Variants in MCUB observed in about 807,000 individuals in gnomAD.
MCUB encodes mitochondrial calcium uniporter dominant negative subunit beta.
Under a neutral mutation model 41.4 loss-of-function variants are expected in MCUB, and 46 were observed. The observed-to-expected ratio is 1.11, with a 90% CI of 0.88 to 1.42. The LOEUF is 1.42. Ranked by LOEUF, MCUB falls within the 40% of genes most tolerant of loss-of-function variation. The pLI, the probability that MCUB is intolerant of heterozygous loss-of-function variation, is 0.00. For missense variants in MCUB, 403 were observed against 404.9 expected (o/e 1.00, Z 0.04); for synonymous variants, 148 against 148.2 (o/e 1.00, Z 0.01).
chr4:109,667,179 G>T (rs1561247323), intron 4 of MCUB, among the ~76,000 whole-genome samples: 2 of 152,028 alleles, frequency 1.3e-5, no homozygotes, highest in Non-Finnish European at 1.5e-5. Flanking sequence ...TTCTTCCTTT[G>T]ATGTTTGGTA....
chr4:109,590,945 C>T (rs1579053667), intron 1 of MCUB, among the ~76,000 whole-genome samples: 2 of 152,234 alleles, frequency 1.3e-5, no homozygotes, highest in Middle Eastern at 6.8e-3. Flanking sequence ...TATGCATGCA[C>T]CCACATTTGC....
At chr4:109,592,833 C>T (rs1169606401) in intron 1 of MCUB, among the ~76,000 whole-genome samples, 1 of 152,150 alleles carries the variant, frequency 6.6e-6, no homozygotes, top group Non-Finnish European at 1.5e-5. Context: ...AAAACATTTC[C>T]ATCACACCAG....
At chr4:109,636,766 C>T (rs12331695) in intron 1 of MCUB, among the ~76,000 whole-genome samples, 5,332 of 152,172 alleles carry the variant, frequency 0.035, 311 homozygotes, top group African/African-American at 0.12. Flanking sequence ...ACCTGGGAGG[C>T]GGAGGTTGCA....
rs200749787 is a variant in MCUB, at chr4:109,581,891, A to G, written c.99+21455A>G. ...AAGTCAGGAAACAACAGGTGCTGGAAAGGATGTGGAGAAATAGGAACACTT... is the reference window on the plus strand; with the variant it reads ...AAGTCAGGAAACAACAGGTGCTGGAGAGGATGTGGAGAAATAGGAACACTT... On this transcript the variant is annotated intron_variant, in intron 1 of 7. Coordinates refer to ENST00000394650, the MANE Select transcript of MCUB (RefSeq NM_017918.5). Among the ~76,000 whole-genome samples the G allele has an allele frequency of 4.6e-5, 7 of 152,240 alleles. No individual in the cohort carries two copies. The East Asian group carries it at 5.8e-4, about 13-fold the overall frequency.
At chr4:109,572,102 CTT>C (rs1207727263) in intron 1 of MCUB, among the ~76,000 whole-genome samples, 1 of 152,248 alleles carries the variant, frequency 6.6e-6, no homozygotes, top group Non-Finnish European at 1.5e-5. Flanking sequence ...TACAAGGAAA[CTT>C]TATTTCTCTC....
chr4:109,612,895 A>G (rs957728497), intron 1 of MCUB, among the ~76,000 whole-genome samples: 1 of 152,144 alleles, frequency 6.6e-6, no homozygotes, highest in Non-Finnish European at 1.5e-5. Context: ...TCACAAGGTC[A>G]GGAGATCAAG....
intron 4 of MCUB, among the ~76,000 whole-genome samples, chr4:109,670,777 A>G (rs371372520): frequency 2.6e-5 from 4 of 151,990 alleles, no homozygotes; most frequent in South Asian, 4.2e-4. Flanking sequence ...CAAAATCACT[A>G]CTTTTCCTTT....
At chr4:109,662,334 C>A (rs1729248000) in intron 3 of MCUB, among the ~76,000 whole-genome samples, 2 of 152,220 alleles carry the variant, frequency 1.3e-5, no homozygotes, top group African/African-American at 4.8e-5. Context: ...TTCTAAGCTT[C>A]TAGGGGCAGG....
chr4:109,642,895 T>G (rs1419849065), intron 1 of MCUB, among the ~76,000 whole-genome samples: 2 of 9,350 alleles, frequency 2.1e-4, no homozygotes, highest in Non-Finnish European at 2.3e-3. Context: ...TCAGCTAGAT[T>G]TTTTTTTTTT....
intron 1 of MCUB, among the ~76,000 whole-genome samples, chr4:109,603,346 C>A (rs1727789886): frequency 3.3e-5 from 5 of 152,236 alleles, no homozygotes; most frequent in Admixed American, 3.3e-4. Context: ...ATCTGCCTGC[C>A]TCGGCCTCCC....
Position 109,633,831 on chromosome 4 carries a change from G to GA in MCUB, c.100-25173dup, listed in dbSNP as rs569472165. ...CTTGACAATAATTGGCTTAGATTAG[G>GA]AAAAAAATTGGTATATGTTCTTATC... On this transcript the variant is annotated intron_variant, in intron 1 of 7. Transcript: ENST00000394650. 4.9e-3 allele frequency among the ~76,000 whole-genome samples: 749 copies of GA among 152,066 alleles called. 5 individuals are homozygous for GA. Among genetic ancestry groups the GA allele is most frequent in the Middle Eastern group, 0.02 (6 of 294 alleles).
intron 1 of MCUB, among the ~76,000 whole-genome samples, chr4:109,654,103 AAAAT>A (rs544653738): frequency 1.1e-4 from 13 of 121,454 alleles, no homozygotes; most frequent in Non-Finnish European, 2.2e-4. Flanking sequence ...ATTAATCTTA[AAAAT>A]AAATGTGTTG....
intron 1 of MCUB, among the ~76,000 whole-genome samples, chr4:109,633,962 A>AT (rs1728532639): frequency 7.8e-6 from 1 of 128,524 alleles, no homozygotes; most frequent in Non-Finnish European, 1.6e-5. Flanking sequence ...TCTTTTTATT[A>AT]TCACGCTGTA....
At chr4:109,636,946 G>C (rs565596241) in intron 1 of MCUB, among the ~76,000 whole-genome samples, 35 of 152,358 alleles carry the variant, frequency 2.3e-4, no homozygotes, top group South Asian at 1.9e-3. Flanking sequence ...CAGTAGTCCA[G>C]TGGCCTTCTG....
At chr4:109,579,493 G>A (rs927373321) in intron 1 of MCUB, among the ~76,000 whole-genome samples, 5 of 152,074 alleles carry the variant, frequency 3.3e-5, no homozygotes, top group South Asian at 2.1e-4. Flanking sequence ...TGTGATCCAC[G>A]CGCCTCGGCC....
At position 109,682,564 on chromosome 4, in the gene MCUB, C is replaced by T; in HGVS notation, c.452-18C>T. On this transcript the variant is annotated intron_variant, in intron 4 of 7. Transcript: ENST00000394650. ...AACAATGTGGTGACTGGCTTGTTTC[C>T]CTTGTGTCTTTTCTCAGAAAAACCA... 6.3e-7 allele frequency: 1 copy of T among 1,590,690 alleles called. No homozygotes were observed. Among genetic ancestry groups the T allele is most frequent in the Non-Finnish European group, 8.6e-7 (1 of 1,169,330 alleles).
Position 109,685,379 on chromosome 4 carries a change from A to G in MCUB, c.933+12A>G. The G allele has an allele frequency of 1.8e-6, 2 of 1,101,390 alleles. No individual in the cohort carries two copies. The highest frequency in any genetic ancestry group is 1.7e-5 in the Admixed American group (1 of 58,548). 68.2% of individuals were successfully genotyped at this position (1,101,390 alleles called of 1,614,324 possible). ...AAGACCTTGCTAAGGTATACTACAA[A>G]TACATCTTATAGCTGGTTTGTTTGG... is the stretch of plus-strand genomic sequence containing the variant. On this transcript the variant is annotated intron_variant, in intron 7 of 7. Coordinates refer to ENST00000394650, the MANE Select transcript of MCUB (RefSeq NM_017918.5).
At chr4:109,613,444 G>C (rs1728061794) in intron 1 of MCUB, among the ~76,000 whole-genome samples, 1 of 152,174 alleles carries the variant, frequency 6.6e-6, no homozygotes, top group South Asian at 2.1e-4. Flanking sequence ...CTGGTTGTTG[G>C]CTGCATTCAG....
At chr4:109,686,339 A>G (rs538290516) in intron 7 of MCUB, among the ~76,000 whole-genome samples, 1 of 152,132 alleles carries the variant, frequency 6.6e-6, no homozygotes, top group African/African-American at 2.4e-5. Flanking sequence ...GAGTTCCACT[A>G]TGTTGTCCAG....
Sources: allele counts gnomAD v4.1 joint callset (sites outside exome capture counted in the v4.1 genomes callset), GRCh38; gene constraint gnomAD v4.1.1; transcripts MANE v1.5; gene names NCBI Gene and HGNC (gene_info 2026-07-23, HGNC 2026-07-21).